DNM3: variants seen among roughly 807,000 people sequenced by gnomAD.
DNM3 encodes the protein dynamin-3.
In DNM3, 47 loss-of-function variants were observed where a neutral mutation model predicts 101.6. The ratio of observed to expected loss-of-function variants is 0.46; its 90% CI spans 0.37 to 0.59. The LOEUF (loss-of-function observed/expected upper bound fraction) is 0.59. Ranked by LOEUF, DNM3 falls within the 20% of genes least tolerant of loss-of-function variation. The pLI is 0.00. For synonymous variants in DNM3, 385 were observed against 387.9 expected (o/e 0.99, Z 0.09); for missense variants, 849 against 1,085.7 (o/e 0.78, Z 3.06).
rs2068758259 is a variant in DNM3, at chr1:172,379,109, C to A, written c.1985C>A (p.Ser662Tyr). Residue 662 changes from serine to tyrosine, a missense_variant, in exon 18 of 21, where the codon TCC becomes TAC. Ser to Tyr is a moderately radical substitution (Grantham distance 144, BLOSUM62 -2). This residue lies in a region of DNM3 where 256 missense variants were observed against 311.7 expected (regional missense o/e 0.82). Coordinates refer to ENST00000627582, the MANE Select transcript of DNM3 (RefSeq NM_015569.5). Reference protein sequence around the residue: ...QVETIRNLVDSYMSIINKCIR... With the variant: ...QVETIRNLVDYYMSIINKCIR... Reference sequence around the variant, plus strand: ...GAGACCATTCGCAACCTCGTAGACTCCTACATGTCCATTATCAACAAATGT... The same window carrying A: ...GAGACCATTCGCAACCTCGTAGACTACTACATGTCCATTATCAACAAATGT... 6.2e-7 allele frequency: 1 copy of A among 1,612,006 alleles called. No homozygotes were observed. Among genetic ancestry groups the A allele is most frequent in the African/African-American group, 1.3e-5 (1 of 74,828 alleles).
chr1:172,150,023 C>T (rs956052440), intron 14 of DNM3, among the ~76,000 whole-genome samples: 1 of 152,062 alleles, frequency 6.6e-6, no homozygotes, highest in Non-Finnish European at 1.5e-5. Context: ...TAGCACATTG[C>T]CTTTATTTTA....
chr1:172,395,694 C>A (rs1573732876), intron 20 of DNM3, among the ~76,000 whole-genome samples: 1 of 152,174 alleles, frequency 6.6e-6, no homozygotes, highest in South Asian at 2.1e-4. Flanking sequence ...TTAAAACACT[C>A]GACATTGAAA....
chr1:172,054,328 G>A (rs1419329471), intron 10 of DNM3, among the ~76,000 whole-genome samples: 7 of 152,176 alleles, frequency 4.6e-5, no homozygotes, highest in Non-Finnish European at 8.8e-5. Flanking sequence ...GGGCACTGGA[G>A]GATAAGACAG....
At chr1:172,227,271 G>GATATACATATATAT (rs2061161790) in intron 14 of DNM3, among the ~76,000 whole-genome samples, 1 of 77,996 alleles carries the variant, frequency 1.3e-5, no homozygotes, top group African/African-American at 4.7e-5. Flanking sequence ...AGTATTTTGT[G>GATATACATATATAT]ATATATATAT....
chr1:171,846,419 A>G (rs887661671), intron 1 of DNM3, among the ~76,000 whole-genome samples: 4 of 152,212 alleles, frequency 2.6e-5, no homozygotes, highest in Admixed American at 6.5e-5. Flanking sequence ...GAAGTTGGGC[A>G]GTCACCCAGA....
chr1:172,068,688 T>C (rs1040590121), intron 10 of DNM3, 131 bp from the exon 11 acceptor site: 2 of 721,328 alleles, frequency 2.8e-6, no homozygotes, highest in Admixed American at 4.4e-5. Context: ...TCTTTAGGAG[T>C]TGATGATATT....
At chr1:172,114,064 C>T (rs2055709814) in intron 13 of DNM3, among the ~76,000 whole-genome samples, 1 of 151,978 alleles carries the variant, frequency 6.6e-6, no homozygotes, top group South Asian at 2.1e-4. Context: ...AGAAAATGAA[C>T]AACAAAAAGA....
At chr1:172,055,829 C>T (rs563016758) in intron 10 of DNM3, among the ~76,000 whole-genome samples, 5 of 152,006 alleles carry the variant, frequency 3.3e-5, no homozygotes, top group Non-Finnish European at 5.9e-5. Flanking sequence ...ACTTGCATTT[C>T]GGGGAGGAGC....
At chr1:171,869,313 T>C (rs1232823651) in intron 1 of DNM3, among the ~76,000 whole-genome samples, 1 of 152,180 alleles carries the variant, frequency 6.6e-6, no homozygotes. Flanking sequence ...GCCCTCCCCA[T>C]GCCTGAGGAG....
chr1:172,038,312 T>C lies in DNM3; in HGVS notation c.850-7T>C, dbSNP rs752474386. 6.8e-6 allele frequency: 11 copies of C among 1,613,034 alleles called. No homozygotes were observed. The highest frequency in any genetic ancestry group is 2.2e-5 in the East Asian group (1 of 44,876). ...TCAATCTGTGTGTATCATTTTGTTT[T>C]GTTTAGCAACTTACCAACCACATTC... On this transcript the variant is annotated splice_region_variant and splice_polypyrimidine_tract_variant and intron_variant, in intron 6 of 20. Coordinates refer to ENST00000627582, the MANE Select transcript of DNM3 (RefSeq NM_015569.5).
chr1:172,060,318 C>A (rs1275888167), intron 10 of DNM3, among the ~76,000 whole-genome samples: 2 of 110,034 alleles, frequency 1.8e-5, no homozygotes, highest in South Asian at 3.0e-4. Context: ...GCTACCAATG[C>A]CTTTTTTCAC....
chr1:171,874,899 T>G (rs2035619124), intron 1 of DNM3, among the ~76,000 whole-genome samples: 1 of 151,836 alleles, frequency 6.6e-6, no homozygotes, highest in African/African-American at 2.4e-5. Context: ...TAGCTCCCAC[T>G]TATAAGTGGG....
intron 14 of DNM3, among the ~76,000 whole-genome samples, chr1:172,150,604 G>C (rs910447003): frequency 6.6e-6 from 1 of 152,182 alleles, no homozygotes; most frequent in Non-Finnish European, 1.5e-5. Context: ...TGAAAGGTAG[G>C]ATCTCTCCAT....
intron 14 of DNM3, among the ~76,000 whole-genome samples, chr1:172,148,426 G>A (rs1415865066): frequency 2.0e-5 from 3 of 151,566 alleles, no homozygotes; most frequent in African/African-American, 7.3e-5. Context: ...AAGAATTACA[G>A]CTCTCTTAAA....
At chr1:172,247,631 T>C (rs547161270) in intron 14 of DNM3, among the ~76,000 whole-genome samples, 92 of 151,328 alleles carry the variant, frequency 6.1e-4, no homozygotes, top group Middle Eastern at 6.9e-3. Context: ...TGTTAATATT[T>C]CTCTTTATTA....
chr1:171,913,080 C>CT (rs1482487333), intron 1 of DNM3, among the ~76,000 whole-genome samples: 1 of 152,154 alleles, frequency 6.6e-6, no homozygotes, highest in Admixed American at 6.5e-5. Flanking sequence ...GTGGGGAGAA[C>CT]ACTTAGTATT....
intron 14 of DNM3, among the ~76,000 whole-genome samples, chr1:172,216,737 G>A (rs980770237): frequency 2.0e-5 from 3 of 151,002 alleles, no homozygotes; most frequent in African/African-American, 7.4e-5. Flanking sequence ...GGAGTAGAGG[G>A]AATACACACA....
At chr1:172,382,883 C>A (rs922725859) in intron 18 of DNM3, among the ~76,000 whole-genome samples, 2 of 152,136 alleles carry the variant, frequency 1.3e-5, no homozygotes, top group Admixed American at 1.3e-4. Context: ...CTGTAGCCTG[C>A]GCCCCTGGAC....
At chr1:172,257,352 G>A (rs1052466504) in intron 15 of DNM3, among the ~76,000 whole-genome samples, 1 of 152,078 alleles carries the variant, frequency 6.6e-6, no homozygotes, top group African/African-American at 2.4e-5. Flanking sequence ...TTTATCACAT[G>A]AGCATTAAAA....
Sources: gnomAD v4.1 joint callset for allele counts (sites outside exome capture counted in the v4.1 genomes callset) on GRCh38, gnomAD v4.1.1 for gene constraint, gnomAD v4.1.1 regional missense constraint, MANE v1.5 for transcripts, NCBI Gene and HGNC (gene_info 2026-07-23, HGNC 2026-07-21) for gene names.